The following WTIP variants were observed in gnomAD, a reference collection of about 807,000 sequenced individuals.
WTIP encodes WT1 interacting protein.
Under a neutral mutation model 41.7 loss-of-function variants are expected in WTIP, and 23 were observed. The ratio of observed to expected loss-of-function variants is 0.55; its 90% confidence interval spans 0.40 to 0.78. WTIP has a LOEUF of 0.78. Among genes scored for constraint, WTIP ranks in the 30% least tolerant of loss-of-function variants. WTIP has a pLI of 0.00. For missense variants in WTIP, 619 were observed against 610.5 expected (o/e 1.01, Z -0.15); for synonymous variants, 314 against 269.9 (o/e 1.16, Z -1.60).
At chr19:34,499,791 C>T (rs1444457004) in intron 7 of WTIP, among the ~76,000 whole-genome samples, 1 of 151,920 alleles carries the variant, frequency 6.6e-6, no homozygotes, top group Admixed American at 6.6e-5. Context: ...CCTCTGCCTC[C>T]CGGGTTTAAG....
rs937556520 is a variant in WTIP, at chr19:34,511,274, G to A, written c.*11005G>A. On this transcript the variant is annotated 3_prime_UTR_variant, in exon 8 of 8. Coordinates refer to ENST00000590071, the MANE Select transcript of WTIP (RefSeq NM_001080436.2). ...AAGAGAAAATGAAGGGTGCAAAAGCGGAAACCCTCGATAAAACCATGAGAT... is the reference window on the plus strand; with the variant it reads ...AAGAGAAAATGAAGGGTGCAAAAGCAGAAACCCTCGATAAAACCATGAGAT... 9 of 152,086 alleles carry A rather than the reference G, an allele frequency of 5.9e-5. No homozygotes were observed. The highest frequency in any genetic ancestry group is 4.2e-4 in the South Asian group (2 of 4,818). The allele number at this position is 152,086 out of a possible 1,614,324, so 9.4% of individuals were successfully genotyped here. A position where few individuals can be genotyped will look rare whatever the true frequency, so the allele number is the denominator to read the frequency against.
At position 34,493,287 on chromosome 19, in the gene WTIP, G is replaced by T; in HGVS notation, c.862G>T (p.Asp288Tyr). 1 of 1,613,504 alleles carries T rather than the reference G, an allele frequency of 6.2e-7. No homozygotes were observed. The highest frequency in any genetic ancestry group is 1.1e-5 in the South Asian group (1 of 91,010). Residue 288 changes from aspartate to tyrosine, a missense_variant, in exon 4 of 8, where the codon GAC becomes TAC. Physicochemically the swap from Asp to Tyr is radical, Grantham distance 160. Transcript: ENST00000590071. This position sits in a 1 kb window ranked among gnomAD's most constrained non-coding sequence, Gnocchi z 4.1. Reference sequence around the variant, plus strand: ...GTACTCCGGGTTCCAGCAGACGGCCGACAAATGCAGCGTGTGTGGACATCT... The same window carrying T: ...GTACTCCGGGTTCCAGCAGACGGCCTACAAATGCAGCGTGTGTGGACATCT... ...FLYSGFQQTA[D>Y]KCSVCGHLIM...
chr19:34,506,854 G>T lies in WTIP; in HGVS notation c.*6585G>T, dbSNP rs1022338543. ...CTCCCTGAAGTAGGTGCTCTTTCCC[G>T]TGAAAACTACTTTTTTGGTTTGGTT... is the stretch of plus-strand genomic sequence containing the variant. On this transcript the variant is annotated 3_prime_UTR_variant, in exon 8 of 8. Transcript: ENST00000590071. 6.6e-6 allele frequency: 1 copy of T among 152,068 alleles called. No homozygotes were observed. Among genetic ancestry groups the T allele is most frequent in the African/African-American group, 2.4e-5 (1 of 41,402 alleles). 9.4% of individuals were successfully genotyped at this position (152,068 alleles called of 1,614,324 possible). A position where few individuals can be genotyped will look rare whatever the true frequency, so the allele number is the denominator to read the frequency against.
At chr19:34,486,075 G>A (rs2075795686) in intron 1 of WTIP, among the ~76,000 whole-genome samples, 1 of 151,492 alleles carries the variant, frequency 6.6e-6, no homozygotes, top group Non-Finnish European at 1.5e-5. Flanking sequence ...TTTCAACTTT[G>A]GTGACCTCCT....
intron 1 of WTIP, among the ~76,000 whole-genome samples, chr19:34,484,610 G>A (rs1165176135): frequency 1.3e-5 from 2 of 152,182 alleles, no homozygotes; most frequent in African/African-American, 2.4e-5. Context: ...CTGCAGGGGA[G>A]AGTGCCCATT....
chr19:34,507,927 G>T lies in WTIP; in HGVS notation c.*7658G>T, dbSNP rs2075919296. The T allele has an allele frequency of 6.6e-6, 1 of 152,214 alleles. No homozygotes were observed. 9.4% of individuals were successfully genotyped at this position (152,214 alleles called of 1,614,324 possible). ...CTGTAGCTGGTTGAGGAGCAAATAG[G>T]TTTCCCTGTCCTGACTCCACCTTGG... On this transcript the variant is annotated 3_prime_UTR_variant, in exon 8 of 8. Coordinates refer to ENST00000590071, the MANE Select transcript of WTIP (RefSeq NM_001080436.2).
At chr19:34,483,310 C>T (rs1040391174) in intron 1 of WTIP, among the ~76,000 whole-genome samples, 1 of 151,788 alleles carries the variant, frequency 6.6e-6, no homozygotes, top group Non-Finnish European at 1.5e-5. Context: ...AGGCTTGAGC[C>T]AGTGCGCCCG....
chr19:34,510,956 A>T lies in WTIP; in HGVS notation c.*10687A>T, dbSNP rs1481867757. On this transcript the variant is annotated 3_prime_UTR_variant, in exon 8 of 8. Coordinates refer to ENST00000590071, the MANE Select transcript of WTIP (RefSeq NM_001080436.2). ...TATCAGCATTTTTATCAAATATTAA[A>T]CAAATTTCTAGGAGGTTCCAAACTT... 1 of 152,176 alleles carries T rather than the reference A, an allele frequency of 6.6e-6. No homozygotes were observed. Among genetic ancestry groups the T allele is most frequent in the African/African-American group, 2.4e-5 (1 of 41,418 alleles). The allele number at this position is 152,176 out of a possible 1,614,324, so 9.4% of individuals were successfully genotyped here.
chr19:34,484,523 T>C (rs767343966), intron 1 of WTIP, among the ~76,000 whole-genome samples: 65 of 152,052 alleles, frequency 4.3e-4, no homozygotes, highest in Non-Finnish European at 8.4e-4. Context: ...TGCCAGGAGC[T>C]GTCATCTCCC....
chr19:34,490,299 T>C, intron 1 of WTIP, 77 bp from the exon 2 acceptor site: 1 of 1,374,906 alleles, frequency 7.3e-7, no homozygotes, highest in Non-Finnish European at 1.0e-6. Context: ...GGGTGGGCGG[T>C]GTCAAGACGG....
chr19:34,490,524 C>T (rs1010897558), intron 2 of WTIP, 47 bp downstream of exon 2: 4 of 1,556,192 alleles, frequency 2.6e-6, no homozygotes, highest in East Asian at 2.2e-5. Flanking sequence ...GGACCTGCCA[C>T]ATCATCCCCA....
chr19:34,494,960 T>A (rs1462003897), intron 6 of WTIP, among the ~76,000 whole-genome samples: 1 of 152,122 alleles, frequency 6.6e-6, no homozygotes, highest in Admixed American at 6.5e-5. Flanking sequence ...GGGGAGCAGA[T>A]GAGAGATGGA....
rs1193217660 is a variant in WTIP at position 34,488,053 on chromosome 19, G to A, written c.668-2323G>A. ...TGATCATAGGCACCTGCACAGCAGCGACCCTCATGTCTGTCTGCTTCCTTT... is the reference window on the plus strand; with the variant it reads ...TGATCATAGGCACCTGCACAGCAGCAACCCTCATGTCTGTCTGCTTCCTTT... On this transcript the variant is annotated intron_variant, in intron 1 of 7. Transcript: ENST00000590071. Among the ~76,000 whole-genome samples, 7 of 151,956 alleles carry A rather than the reference G, an allele frequency of 4.6e-5. No individual in the cohort carries two copies. The East Asian group carries it at 7.7e-4, about 17-fold the overall frequency.
intron 6 of WTIP, 149 bp from the exon 7 acceptor site, chr19:34,495,554 C>T: frequency 2.5e-6 from 2 of 794,632 alleles, no homozygotes; most frequent in Non-Finnish European, 4.1e-6. Flanking sequence ...GGAGCCTGTC[C>T]CGCCCCACAG....
At chr19:34,499,886 A>G (rs879818329) in intron 7 of WTIP, among the ~76,000 whole-genome samples, 1 of 151,986 alleles carries the variant, frequency 6.6e-6, no homozygotes, top group Non-Finnish European at 1.5e-5. Context: ...TTTAGTAGAG[A>G]CAGGGTTTCA....
At chr19:34,491,924 G>A (rs931324503) in intron 2 of WTIP, among the ~76,000 whole-genome samples, 12 of 152,110 alleles carry the variant, frequency 7.9e-5, no homozygotes, top group African/African-American at 1.7e-4. Flanking sequence ...GATTACAGGC[G>A]TGAGCCACCG....
Position 34,493,664 on chromosome 19 carries a change from C to T in WTIP, c.1031+42C>T, listed in dbSNP as rs2075838234. 1 of 1,610,540 alleles carries T rather than the reference C, an allele frequency of 6.2e-7. No homozygotes were observed. Among genetic ancestry groups the T allele is most frequent in the African/African-American group, 1.3e-5 (1 of 75,030 alleles). ...GTGGAGCAGGCGGGACTCGGGCCGT[C>T]CTCCCTGGCTCCTCTGGAAGCATTT... On this transcript the variant is annotated intron_variant, in intron 5 of 7. Coordinates refer to ENST00000590071, the MANE Select transcript of WTIP (RefSeq NM_001080436.2). This position sits in a 1 kb window ranked among gnomAD's most constrained non-coding sequence, Gnocchi z 4.1.
intron 7 of WTIP, among the ~76,000 whole-genome samples, chr19:34,496,200 A>T (rs778357837): frequency 6.6e-6 from 1 of 152,168 alleles, no homozygotes; most frequent in African/African-American, 2.4e-5. Context: ...TAGAGACAAG[A>T]TCTCACTCTT....
Position 34,481,914 on chromosome 19 carries a change from G to T in WTIP, c.-61G>T. Reference sequence around the variant, plus strand: ...CTTCGGGCGGACGATGCGGCGGCCCGGCCGGAGCGGCGGCGGGAAGCGGAG... The same window carrying T: ...CTTCGGGCGGACGATGCGGCGGCCCTGCCGGAGCGGCGGCGGGAAGCGGAG... On this transcript the variant is annotated 5_prime_UTR_variant, in exon 1 of 8. Coordinates refer to ENST00000590071, the MANE Select transcript of WTIP (RefSeq NM_001080436.2). 1 of 957,622 alleles carries T rather than the reference G, an allele frequency of 1.0e-6. No individual in the cohort carries two copies. The highest frequency in any genetic ancestry group is 1.2e-6 in the Non-Finnish European group (1 of 805,490). 59.3% of individuals were successfully genotyped at this position (957,622 alleles called of 1,614,324 possible).
Sources: gnomAD v4.1 joint callset for allele counts (sites outside exome capture counted in the v4.1 genomes callset) on GRCh38, gnomAD v4.1.1 for gene constraint, Gnocchi (gnomAD v3.1) non-coding constraint, MANE v1.5 for transcripts, NCBI Gene and HGNC (gene_info 2026-07-23, HGNC 2026-07-21) for gene names.